ERBB4: variants seen among roughly 807,000 people sequenced by gnomAD.
ERBB4 encodes erb-b2 receptor tyrosine kinase 4, also known as receptor tyrosine-protein kinase erbB-4.
Under a neutral mutation model 158.0 loss-of-function variants are expected in ERBB4, and 42 were observed. The ratio of observed to expected loss-of-function variants is 0.27; its 90% CI spans 0.21 to 0.34. ERBB4 has a LOEUF of 0.34. ERBB4 is among the 10% of genes least tolerant of loss of function. The probability of loss-of-function intolerance (pLI) is 1.00; values close to 1 mark genes in which losing one functional copy is unlikely to be tolerated. For synonymous variants in ERBB4, 583 were observed against 558.7 expected (o/e 1.04, Z -0.61); for missense variants, 1,333 against 1,624.1 (o/e 0.82, Z 3.08).
intron 2 of ERBB4, among the ~76,000 whole-genome samples, chr2:212,059,321 T>G (rs1161207983): frequency 1.1e-4 from 16 of 152,184 alleles, no homozygotes; most frequent in South Asian, 2.1e-4. Context: ...AACATTCCAT[T>G]CTCATGGATA....
chr2:212,477,618 A>C (rs1317393620), intron 1 of ERBB4, among the ~76,000 whole-genome samples: 1 of 152,166 alleles, frequency 6.6e-6, no homozygotes, highest in Admixed American at 6.5e-5. Context: ...TTTAAAAGCA[A>C]TGTTCCCTTC....
chr2:212,056,790 G>C (rs1456997424), intron 2 of ERBB4, among the ~76,000 whole-genome samples: 1 of 152,182 alleles, frequency 6.6e-6, no homozygotes, highest in Non-Finnish European at 1.5e-5. Context: ...ACTAAACATG[G>C]AAAGGAACAA....
chr2:211,657,748 T>A lies in ERBB4; in HGVS notation c.1946+6A>T, dbSNP rs779784599. The stretch of plus-strand genomic sequence containing the variant: ...AGCGACAAAATGGAAACATGGTAGA[T>A]GTTACCTAGCATGTTGTGGTAAAGT... On this transcript the variant is annotated splice_donor_region_variant and intron_variant, in intron 16 of 27. Coordinates refer to ENST00000342788, the MANE Select transcript of ERBB4 (RefSeq NM_005235.3). The A allele has an allele frequency of 6.2e-7, 1 of 1,608,740 alleles. No individual in the cohort carries two copies. Among genetic ancestry groups the A allele is most frequent in the Non-Finnish European group, 8.5e-7 (1 of 1,175,054 alleles).
chr2:211,572,148 T>G (rs747558962), intron 19 of ERBB4, among the ~76,000 whole-genome samples: 3 of 152,344 alleles, frequency 2.0e-5, no homozygotes, highest in Middle Eastern at 3.4e-3. Flanking sequence ...ACATCACTAC[T>G]GTAAAAATAC....
At chr2:212,072,541 A>G (rs2078153533) in intron 2 of ERBB4, among the ~76,000 whole-genome samples, 1 of 152,050 alleles carries the variant, frequency 6.6e-6, no homozygotes, top group African/African-American at 2.4e-5. Context: ...AATTCCCTGG[A>G]GAAAGATGTA....
At chr2:211,791,066 A>G (rs1382927788) in intron 3 of ERBB4, among the ~76,000 whole-genome samples, 1 of 151,882 alleles carries the variant, frequency 6.6e-6, no homozygotes, top group Non-Finnish European at 1.5e-5. Context: ...AAATATACTC[A>G]GGTATGTTTA....
Position 211,482,538 on chromosome 2 carries a change from T to C in ERBB4, c.2488-51438A>G, listed in dbSNP as rs543063912. On this transcript the variant is annotated intron_variant, in intron 20 of 27. Coordinates refer to ENST00000342788, the MANE Select transcript of ERBB4 (RefSeq NM_005235.3). ...CTAACTTTCAACAAGTCAAAATTCA[T>C]AGTAAGGTATCTTATCAAAGATCAA... Among the ~76,000 whole-genome samples, 8 of 152,252 alleles carry C rather than the reference T, an allele frequency of 5.3e-5. No individual in the cohort carries two copies. The South Asian group carries it at 1.5e-3, about 28-fold the overall frequency.
chr2:211,442,791 CTA>C (rs2064017019), intron 20 of ERBB4, among the ~76,000 whole-genome samples: 1 of 151,852 alleles, frequency 6.6e-6, no homozygotes, highest in Non-Finnish European at 1.5e-5. Context: ...ATTTGTCAAA[CTA>C]TTTTTAAGAG....
At chr2:212,089,404 A>G (rs1428127947) in intron 2 of ERBB4, among the ~76,000 whole-genome samples, 1 of 152,106 alleles carries the variant, frequency 6.6e-6, no homozygotes, top group African/African-American at 2.4e-5. Flanking sequence ...TTCTGATATG[A>G]TTTGGATTTG....
intron 1 of ERBB4, among the ~76,000 whole-genome samples, chr2:212,225,865 G>A (rs1213796477): frequency 6.6e-6 from 1 of 151,934 alleles, no homozygotes; most frequent in Non-Finnish European, 1.5e-5. Context: ...TTCAGGCTGT[G>A]TGTAATCCCC....
At chr2:212,366,415 C>T (rs370947381) in intron 1 of ERBB4, among the ~76,000 whole-genome samples, 4 of 151,920 alleles carry the variant, frequency 2.6e-5, no homozygotes, top group African/African-American at 9.7e-5. Flanking sequence ...AGAACAGTGA[C>T]TTTAATCAGC....
intron 2 of ERBB4, among the ~76,000 whole-genome samples, chr2:212,049,289 G>C (rs1163931043): frequency 6.6e-6 from 1 of 152,192 alleles, no homozygotes; most frequent in African/African-American, 2.4e-5. Flanking sequence ...GGTCACTGAT[G>C]TGTGTTCAAC....
chr2:211,877,744 G>A (rs2078546804), intron 3 of ERBB4, among the ~76,000 whole-genome samples: 1 of 151,872 alleles, frequency 6.6e-6, no homozygotes, highest in South Asian at 2.1e-4. Context: ...TATTATTTTG[G>A]GTTTAAGAAA....
At position 212,256,800 on chromosome 2, in the gene ERBB4, G is replaced by A. The variant is rs545601192; in HGVS notation, c.83-131897C>T. On this transcript the variant is annotated intron_variant, in intron 1 of 27. Coordinates refer to ENST00000342788, the MANE Select transcript of ERBB4 (RefSeq NM_005235.3). ...TGGGTAAAATGAGTGAACTAATAAA[G>A]TTAGTAAATTTCCCAGATAAAATAT... Among the ~76,000 whole-genome samples, 24 of 152,198 alleles carry A rather than the reference G, an allele frequency of 1.6e-4. 1 individual carries two copies. The South Asian group carries it at 5.0e-3, about 32-fold the overall frequency.
chr2:212,174,808 C>T (rs922419665), intron 1 of ERBB4, among the ~76,000 whole-genome samples: 1 of 152,080 alleles, frequency 6.6e-6, no homozygotes, highest in Middle Eastern at 3.4e-3. Flanking sequence ...ATTCCCAACA[C>T]CGCTCTCTTA....
intron 1 of ERBB4, among the ~76,000 whole-genome samples, chr2:212,233,967 TTATTA>T (rs1358527569): frequency 5.0e-4 from 14 of 27,984 alleles, no homozygotes; most frequent in Non-Finnish European, 8.8e-4. Flanking sequence ...GCATTATTTA[TTATTA>T]TTATTATTAT....
intron 3 of ERBB4, among the ~76,000 whole-genome samples, chr2:211,934,320 G>C (rs1029992380): frequency 6.6e-6 from 1 of 151,756 alleles, no homozygotes; most frequent in African/African-American, 2.4e-5. Context: ...TTTCAAAATG[G>C]TATATATTTA....
intron 25 of ERBB4, among the ~76,000 whole-genome samples, chr2:211,412,047 A>T (rs2063273283): frequency 6.6e-6 from 1 of 152,082 alleles, no homozygotes; most frequent in Non-Finnish European, 1.5e-5. Flanking sequence ...TAGATTCAAG[A>T]CAACAGAAAC....
chr2:212,385,620 C>T lies in ERBB4; in HGVS notation c.82+152829G>A, dbSNP rs114736978. On this transcript the variant is annotated intron_variant, in intron 1 of 27. Transcript: ENST00000342788. Reference sequence around the variant, plus strand: ...CTGAAATTTTGATTATTCTTATTTACACCTTTCTGCTTGCTGTTAATAGTA... The same window carrying T: ...CTGAAATTTTGATTATTCTTATTTATACCTTTCTGCTTGCTGTTAATAGTA... Among the ~76,000 whole-genome samples the T allele has an allele frequency of 5.9e-3, 899 of 151,926 alleles. 10 individuals are homozygous for T. Among genetic ancestry groups the T allele is most frequent in the African/African-American group, 0.019 (809 of 41,504 alleles).
Sources: gnomAD v4.1 joint callset for allele counts (sites outside exome capture counted in the v4.1 genomes callset) on GRCh38, gnomAD v4.1.1 for gene constraint, MANE v1.5 for transcripts, NCBI Gene and HGNC (gene_info 2026-07-23, HGNC 2026-07-21) for gene names.